Variants in ANO4 observed in about 807,000 individuals in gnomAD.
ANO4 encodes anoctamin-4.
A neutral mutation model predicts 141.9 loss-of-function variants in ANO4; 69 were observed. The ratio of observed to expected loss-of-function variants is 0.49; its 90% CI spans 0.40 to 0.59. The LOEUF (loss-of-function observed/expected upper bound fraction) is 0.59, where lower values mean the gene tolerates loss of function less well. Ranked by LOEUF, ANO4 falls within the 20% of genes least tolerant of loss-of-function variation. The pLI is 0.00. For missense variants in ANO4, 894 were observed against 1,162.2 expected, an observed-to-expected ratio of 0.77 and a Z score of 3.36; for synonymous variants, 350 against 394.3, an observed-to-expected ratio of 0.89 and a Z score of 1.33.
chr12:100,941,056 A>G (rs2042489380), intron 4 of ANO4, among the ~76,000 whole-genome samples: 1 of 152,178 alleles, frequency 6.6e-6, no homozygotes, highest in East Asian at 1.9e-4. Context: ...CTAATTGTAG[A>G]TTACTAACTC....
intron 5 of ANO4, 83 bp from the exon 6 acceptor site, chr12:100,971,223 C>A (rs759138658): frequency 2.1e-5 from 19 of 904,634 alleles, no homozygotes; most frequent in Non-Finnish European, 3.3e-5. Flanking sequence ...CTGTCCAGGT[C>A]CATGCATTCT....
chr12:100,970,659 C>CGCCTT (rs1566071629), intron 5 of ANO4, among the ~76,000 whole-genome samples: 15 of 113,760 alleles, frequency 1.3e-4, no homozygotes, highest in South Asian at 3.2e-4. Context: ...CTCCCTCCCT[C>CGCCTT]CCTCTCCTTC....
At chr12:101,089,818 G>A (rs969464839) in intron 17 of ANO4, among the ~76,000 whole-genome samples, 3 of 152,128 alleles carry the variant, frequency 2.0e-5, no homozygotes, top group African/African-American at 7.2e-5. Context: ...GCAACCTACA[G>A]AATGGGAGAA....
intron 3 of ANO4, among the ~76,000 whole-genome samples, chr12:100,775,757 C>T (rs186525013): frequency 2.3e-4 from 35 of 152,226 alleles, no homozygotes; most frequent in African/African-American, 8.2e-4. Flanking sequence ...AGAAGTGATG[C>T]CACTAACACC....
intron 5 of ANO4, among the ~76,000 whole-genome samples, chr12:100,966,804 TACAC>T (rs928315818): frequency 3.4e-5 from 5 of 147,600 alleles, no homozygotes; most frequent in Admixed American, 6.9e-5. Flanking sequence ...TGTATATATA[TACAC>T]ACACACACAT....
chr12:100,826,261 GATAA>G (rs1424389926), intron 1 of ANO4, among the ~76,000 whole-genome samples: 5 of 149,126 alleles, frequency 3.4e-5, no homozygotes, highest in Non-Finnish European at 7.4e-5. Flanking sequence ...TTTAAAGACA[GATAA>G]ATAAATATGT....
chr12:100,913,400 A>G (rs543312205), intron 2 of ANO4, among the ~76,000 whole-genome samples: 1 of 152,342 alleles, frequency 6.6e-6, no homozygotes, highest in Admixed American at 6.5e-5. Context: ...AAGTACAGCA[A>G]TGTGCCCCTT....
chr12:100,955,482 C>T (rs956769199), intron 5 of ANO4, among the ~76,000 whole-genome samples: 1 of 152,106 alleles, frequency 6.6e-6, no homozygotes, highest in Non-Finnish European at 1.5e-5. Context: ...CGACCTAGCC[C>T]TAGAAGCATT....
chr12:101,044,997 A>ATT (rs35550760), intron 13 of ANO4, among the ~76,000 whole-genome samples: 10,148 of 119,436 alleles, frequency 0.085, 603 homozygotes, highest in African/African-American at 0.2. Context: ...TCAGAAGCCA[A>ATT]TTTTTTTTTT....
chr12:101,037,016 C>T, intron 9 of ANO4, 79 bp from the exon 10 acceptor site: 1 of 1,416,984 alleles, frequency 7.1e-7, no homozygotes, highest in South Asian at 1.2e-5. Flanking sequence ...CTCCAAAAAG[C>T]ACCACACTTA....
chr12:101,030,266 TAACA>T (rs1308347059), intron 9 of ANO4, among the ~76,000 whole-genome samples: 15 of 152,232 alleles, frequency 9.9e-5, no homozygotes, highest in South Asian at 4.1e-4. Flanking sequence ...ACTGAAATGA[TAACA>T]AACAGTCTCT....
At chr12:100,993,398 T>A (rs753718126) in intron 8 of ANO4, among the ~76,000 whole-genome samples, 4 of 152,154 alleles carry the variant, frequency 2.6e-5, no homozygotes, top group South Asian at 4.1e-4. Context: ...TACAATAGTT[T>A]GAGGGCTGAG....
intron 7 of ANO4, among the ~76,000 whole-genome samples, chr12:100,986,496 A>G (rs980496203): frequency 2.0e-5 from 3 of 152,208 alleles, no homozygotes; most frequent in Admixed American, 2.0e-4. Flanking sequence ...ACAACCCCAC[A>G]GACACACCTC....
At chr12:100,950,109 G>A (rs1293662826) in intron 5 of ANO4, among the ~76,000 whole-genome samples, 3 of 152,056 alleles carry the variant, frequency 2.0e-5, no homozygotes, top group South Asian at 2.1e-4. Context: ...ATACAAGAAC[G>A]ACAACATCCT....
At chr12:101,106,214 G>C (rs970651159) in intron 22 of ANO4, among the ~76,000 whole-genome samples, 1 of 151,946 alleles carries the variant, frequency 6.6e-6, no homozygotes, top group Non-Finnish European at 1.5e-5. Context: ...CCAGAGAAAA[G>C]AACAGAAAAA....
At chr12:100,875,312 C>T (rs925423262) in intron 1 of ANO4, among the ~76,000 whole-genome samples, 19 of 152,040 alleles carry the variant, frequency 1.2e-4, no homozygotes, top group Non-Finnish European at 1.9e-4. Flanking sequence ...ACCCGGGGTA[C>T]ACCATCCAGA....
At chr12:101,039,018 AAACT>A (rs1298848516) in intron 10 of ANO4, 1 of 152,218 alleles carries the variant, frequency 6.6e-6, no homozygotes, top group East Asian at 1.9e-4. Context: ...TCATTGCCAC[AAACT>A]AACCTCAGAA....
rs559509260 is a variant in ANO4 at position 101,124,733 on chromosome 12, TC to T, written c.2677-2141del. On this transcript the variant is annotated intron_variant, in intron 26 of 27. Transcript: ENST00000392977. ...ACCATTTATTAAGTAGGGAATCCTTTCCCCCATTGCTTGTTTTTGTCAGGTT... is the reference window on the plus strand; with the variant it reads ...ACCATTTATTAAGTAGGGAATCCTTTCCCCATTGCTTGTTTTTGTCAGGTT... 2.3e-3 allele frequency among the ~76,000 whole-genome samples: 352 copies of T among 152,246 alleles called. 2 individuals are homozygous for T. Among genetic ancestry groups the T allele is most frequent in the African/African-American group, 7.3e-3 (305 of 41,544 alleles).
At chr12:100,813,019 T>G (rs2035537675) in intron 1 of ANO4, among the ~76,000 whole-genome samples, 1 of 152,198 alleles carries the variant, frequency 6.6e-6, no homozygotes, top group Non-Finnish European at 1.5e-5. Context: ...AAAATTGTTT[T>G]TTAACATTGA....
Sources: allele counts gnomAD v4.1 joint callset (sites outside exome capture counted in the v4.1 genomes callset), GRCh38; gene constraint gnomAD v4.1.1; transcripts MANE v1.5; gene names NCBI Gene and HGNC (gene_info 2026-07-23, HGNC 2026-07-21).